Variants in SLCO1A2 observed in about 807,000 individuals in gnomAD.
The protein encoded by SLCO1A2 is solute carrier organic anion transporter family member 1A2.
Under a neutral mutation model 69.0 loss-of-function variants are expected in SLCO1A2, and 67 were observed. That is an observed-to-expected ratio of 0.97 (90% confidence interval 0.80 to 1.19). The LOEUF is 1.19. Ranked by LOEUF, SLCO1A2 falls within the 50% of genes most tolerant of loss-of-function variation. The pLI is 0.00. For missense variants in SLCO1A2, 787 were observed against 793.7 expected, an observed-to-expected ratio of 0.99 and a Z score of 0.10; for synonymous variants, 260 against 265.9, an observed-to-expected ratio of 0.98 and a Z score of 0.22.
Position 21,297,429 on chromosome 12 carries a change from T to C in SLCO1A2, c.1050A>G (p.Ser350=). The C allele has an allele frequency of 6.2e-7, 1 of 1,611,640 alleles. No individual in the cohort carries two copies. The highest frequency in any genetic ancestry group is 8.5e-7 in the Non-Finnish European group (1 of 1,178,458). The change falls in exon 9 of 15, where the codon TCA becomes TCG. Residue 350 remains serine (S), a synonymous_variant. Coordinates refer to ENST00000683939, the MANE Select transcript of SLCO1A2 (RefSeq NM_001386879.1). ...CCATTAGAAAGATTGCATCTGAAGATGATATTCCATATTGCTGTTCTAGGT... is the reference window on the plus strand; with the variant it reads ...CCATTAGAAAGATTGCATCTGAAGACGATATTCCATATTGCTGTTCTAGGT... ...PKYLEQQYGI[S]SSDAIFLMGI... is the part of the protein sequence containing the mutation.
upstream of SLCO1A2, among the ~76,000 whole-genome samples, chr12:21,395,777 C>T (rs532256336): frequency 1.1e-3 from 175 of 152,190 alleles, no homozygotes; most frequent in East Asian, 3.5e-3. Flanking sequence ...ACACCTCAAA[C>T]GGCAGGGTAC....
upstream of SLCO1A2, among the ~76,000 whole-genome samples, chr12:21,335,209 C>T (rs924519592): frequency 1.3e-5 from 2 of 151,934 alleles, no homozygotes; most frequent in African/African-American, 2.4e-5. Context: ...GAAACACTTT[C>T]TGGGGCACTG....
intron 2 of SLCO1A2, among the ~76,000 whole-genome samples, chr12:21,341,849 G>A (rs1953079492): frequency 2.6e-5 from 4 of 151,962 alleles, no homozygotes; most frequent in Admixed American, 6.6e-5. Context: ...TCGGGATAGT[G>A]TCCATTCAGA....
chr12:21,353,769 A>G (rs1177129557), intron 2 of SLCO1A2, among the ~76,000 whole-genome samples: 4 of 152,252 alleles, frequency 2.6e-5, no homozygotes, highest in African/African-American at 7.2e-5. Flanking sequence ...ACAAGTCAGT[A>G]GAGAGGAGAA....
At chr12:21,400,083 A>G (rs1184790024), upstream of SLCO1A2, among the ~76,000 whole-genome samples, 2 of 151,958 alleles carry the variant, frequency 1.3e-5, no homozygotes, top group African/African-American at 4.8e-5. Flanking sequence ...ATCAGAGTGA[A>G]CAGGCAACCT....
At chr12:21,284,256 G>T (rs1945322601) in intron 12 of SLCO1A2, among the ~76,000 whole-genome samples, 1 of 152,108 alleles carries the variant, frequency 6.6e-6, no homozygotes, top group Non-Finnish European at 1.5e-5. Flanking sequence ...GAATGAGGGG[G>T]AGGAGCCAAG....
chr12:21,283,706 T>C (rs950460786), intron 12 of SLCO1A2, among the ~76,000 whole-genome samples: 3 of 152,022 alleles, frequency 2.0e-5, no homozygotes, highest in African/African-American at 7.2e-5. Context: ...TGTAAGGAGC[T>C]CAAACAACTC....
At chr12:21,364,651 A>T (rs1242437456) in intron 2 of SLCO1A2, among the ~76,000 whole-genome samples, 1 of 152,092 alleles carries the variant, frequency 6.6e-6, no homozygotes, top group Non-Finnish European at 1.5e-5. Flanking sequence ...GAAAACCCCA[A>T]CATCTCAGCC....
intron 2 of SLCO1A2, among the ~76,000 whole-genome samples, chr12:21,361,469 T>C (rs1221713125): frequency 1.3e-5 from 2 of 152,082 alleles, no homozygotes; most frequent in African/African-American, 4.8e-5. Flanking sequence ...TTCTAAAAAT[T>C]AGCGCACCTC....
chr12:21,388,529 T>G (rs551776947), intron 1 of SLCO1A2, among the ~76,000 whole-genome samples: 1 of 152,140 alleles, frequency 6.6e-6, no homozygotes, highest in Non-Finnish European at 1.5e-5. Flanking sequence ...TGCTCCTCCT[T>G]CTTCTGCCAT....
chr12:21,322,043 G>C (rs1951701423), intron 2 of SLCO1A2, among the ~76,000 whole-genome samples: 1 of 152,138 alleles, frequency 6.6e-6, no homozygotes. Context: ...ATTAATGACA[G>C]AATAAGTATC....
intron 1 of SLCO1A2, among the ~76,000 whole-genome samples, chr12:21,413,124 G>T (rs1327068983): frequency 6.6e-6 from 1 of 151,244 alleles, no homozygotes; most frequent in Non-Finnish European, 1.5e-5. Context: ...GTATATATGT[G>T]CACATATTCC....
intron 2 of SLCO1A2, among the ~76,000 whole-genome samples, chr12:21,342,970 T>C (rs1953124777): frequency 6.6e-6 from 1 of 152,006 alleles, no homozygotes; most frequent in African/African-American, 2.4e-5. Context: ...CATACGCTCA[T>C]ACTTACGCTG....
chr12:21,388,401 T>C (rs1024536651), intron 1 of SLCO1A2, among the ~76,000 whole-genome samples: 1 of 152,138 alleles, frequency 6.6e-6, no homozygotes, highest in Non-Finnish European at 1.5e-5. Flanking sequence ...AATTGAATCA[T>C]GGGGGCGGTT....
chr12:21,362,446 T>C (rs113277473), intron 2 of SLCO1A2, among the ~76,000 whole-genome samples: 49,183 of 151,990 alleles, frequency 0.32, 8,267 homozygotes, highest in East Asian at 0.46. Context: ...TGCAAAAACA[T>C]GCCAAATTGT....
In SLCO1A2 at chr12:21,273,423, A is replaced by ATTGTC. The variant is rs1463070146; in HGVS notation, c.1793+1041_1793+1045dup. On this transcript the variant is annotated intron_variant, in intron 14 of 14. Transcript: ENST00000683939. ...GCAGAAATGTAGGGATCCATGGAGA[A>ATTGTC]TTGTCTACCAACAATATTTACCCTT... Among the ~76,000 whole-genome samples the ATTGTC allele has an allele frequency of 3.9e-5, 6 of 152,280 alleles. No homozygotes were observed. In the East Asian group the frequency reaches 1.2e-3, roughly 29 times the overall value.
chr12:21,295,395 G>T, intron 10 of SLCO1A2: 1 of 511,298 alleles, frequency 2.0e-6, no homozygotes, highest in Non-Finnish European at 3.5e-6. Flanking sequence ...CACTCACCCT[G>T]TGATATGTTC....
chr12:21,341,305 T>C (rs2136981570), intron 2 of SLCO1A2, among the ~76,000 whole-genome samples: 2 of 152,180 alleles, frequency 1.3e-5, no homozygotes, highest in Middle Eastern at 6.8e-3. Context: ...CTGTATAATC[T>C]ATAGTTATCC....
At chr12:21,378,129 G>A in intron 1 of SLCO1A2, 1 of 1,040,964 alleles carries the variant, frequency 9.6e-7, no homozygotes, top group Non-Finnish European at 1.4e-6. Flanking sequence ...TTACTTATGT[G>A]AAAATTGTTT....
Sources: gnomAD v4.1 joint callset for allele counts (sites outside exome capture counted in the v4.1 genomes callset) on GRCh38, gnomAD v4.1.1 for gene constraint, MANE v1.5 for transcripts, NCBI Gene and HGNC (gene_info 2026-07-23, HGNC 2026-07-21) for gene names.